GPC5: variants seen among roughly 807,000 people sequenced by gnomAD.
GPC5 encodes glypican-5.
In GPC5, 47 loss-of-function variants were observed where a neutral mutation model predicts 53.9. The ratio of observed to expected loss-of-function variants is 0.87; its 90% CI spans 0.69 to 1.11. The LOEUF is 1.11. GPC5 is among the 50% of genes most tolerant of loss of function. The pLI is 0.00. For missense variants in GPC5, 748 were observed against 713.1 expected, an observed-to-expected ratio of 1.05 and a Z score of -0.56; for synonymous variants, 286 against 263.3, an observed-to-expected ratio of 1.09 and a Z score of -0.84.
At chr13:91,468,840 A>C (rs951097703) in intron 2 of GPC5, among the ~76,000 whole-genome samples, 9 of 149,706 alleles carry the variant, frequency 6.0e-5, no homozygotes, top group Admixed American at 4.7e-4. Flanking sequence ...TTACTATTCA[A>C]TATTTAAGTT....
chr13:91,792,048 A>G (rs576098174), intron 5 of GPC5, among the ~76,000 whole-genome samples: 186 of 152,316 alleles, frequency 1.2e-3, no homozygotes, highest in African/African-American at 4.2e-3. Context: ...TATCTCAGAG[A>G]GTAAGAGTTA....
At chr13:91,464,698 C>T (rs960275668) in intron 2 of GPC5, among the ~76,000 whole-genome samples, 13 of 151,978 alleles carry the variant, frequency 8.6e-5, no homozygotes, top group Admixed American at 5.9e-4. Context: ...GAAAGGTGGA[C>T]GTGTCTATAA....
intron 7 of GPC5, among the ~76,000 whole-genome samples, chr13:92,543,122 G>A (rs1809665054): frequency 6.6e-6 from 1 of 151,764 alleles, no homozygotes; most frequent in African/African-American, 2.4e-5. Context: ...ACAAATATTT[G>A]CTTGTTTTAT....
chr13:91,537,060 G>A (rs1262255448), intron 2 of GPC5, among the ~76,000 whole-genome samples: 5 of 152,052 alleles, frequency 3.3e-5, no homozygotes, highest in Non-Finnish European at 4.4e-5. Flanking sequence ...GTACTCAGTG[G>A]CTAATTTATA....
At chr13:92,782,779 C>T (rs1466267937) in intron 7 of GPC5, among the ~76,000 whole-genome samples, 1 of 152,154 alleles carries the variant, frequency 6.6e-6, no homozygotes, top group African/African-American at 2.4e-5. Flanking sequence ...CCATAAGACA[C>T]TATGGACTGC....
At chr13:92,725,892 G>A (rs773294869) in intron 7 of GPC5, among the ~76,000 whole-genome samples, 1 of 151,568 alleles carries the variant, frequency 6.6e-6, no homozygotes, top group Non-Finnish European at 1.5e-5. Context: ...TCAAATACTG[G>A]TATATTAATG....
intron 7 of GPC5, among the ~76,000 whole-genome samples, chr13:92,663,844 TACAC>T (rs1183140498): frequency 4.2e-5 from 4 of 94,202 alleles, no homozygotes; most frequent in Non-Finnish European, 7.3e-5. Context: ...TATATATATA[TACAC>T]ACACACACTA....
At chr13:91,769,375 A>C (rs1345184901) in intron 5 of GPC5, among the ~76,000 whole-genome samples, 1 of 152,190 alleles carries the variant, frequency 6.6e-6, no homozygotes, top group Admixed American at 6.5e-5. Context: ...CAGCTTAGCC[A>C]AGTTGCCATA....
intron 6 of GPC5, among the ~76,000 whole-genome samples, chr13:92,011,096 T>G (rs1410750023): frequency 6.6e-6 from 1 of 152,196 alleles, no homozygotes; most frequent in Non-Finnish European, 1.5e-5. Flanking sequence ...TAAATATAAC[T>G]CTATATGTGT....
intron 2 of GPC5, among the ~76,000 whole-genome samples, chr13:91,607,966 G>C (rs1338587417): frequency 6.6e-6 from 1 of 152,118 alleles, no homozygotes; most frequent in East Asian, 1.9e-4. Flanking sequence ...TTCGAAGAAG[G>C]CTGCTTTTAG....
At chr13:91,404,310 A>G (rs906492833) in intron 1 of GPC5, among the ~76,000 whole-genome samples, 1 of 152,244 alleles carries the variant, frequency 6.6e-6, no homozygotes, top group African/African-American at 2.4e-5. Context: ...TCTTGGTATA[A>G]CTGTTCAACC....
intron 7 of GPC5, among the ~76,000 whole-genome samples, chr13:92,810,611 A>G (rs1353790983): frequency 6.6e-6 from 1 of 150,958 alleles, no homozygotes; most frequent in Non-Finnish European, 1.5e-5. Context: ...CCCTCCCTCC[A>G]CCCCCAGTAA....
At chr13:91,827,872 T>C (rs61374084) in intron 5 of GPC5, among the ~76,000 whole-genome samples, 21,094 of 151,992 alleles carry the variant, frequency 0.14, 1,611 homozygotes, top group African/African-American at 0.2. Context: ...TATATCCATA[T>C]AAAGACTTGT....
intron 2 of GPC5, among the ~76,000 whole-genome samples, chr13:91,608,346 C>T (rs1165357006): frequency 5.3e-5 from 8 of 152,096 alleles, no homozygotes; most frequent in African/African-American, 1.7e-4. Context: ...GGCTGGAGTA[C>T]AATAGTGAAC....
At chr13:91,896,610 G>A (rs1441612179) in intron 5 of GPC5, among the ~76,000 whole-genome samples, 1 of 152,084 alleles carries the variant, frequency 6.6e-6, no homozygotes, top group African/African-American at 2.4e-5. Context: ...AAGGATGAAG[G>A]GGAGATTGGC....
chr13:91,669,286 A>T (rs774346588), intron 2 of GPC5, among the ~76,000 whole-genome samples: 1 of 152,244 alleles, frequency 6.6e-6, no homozygotes, highest in African/African-American at 2.4e-5. Flanking sequence ...TGATTGTTTC[A>T]GAGAACAATG....
chr13:91,871,695 GTT>G (rs112446440), intron 5 of GPC5, among the ~76,000 whole-genome samples: 2 of 146,068 alleles, frequency 1.4e-5, no homozygotes, highest in South Asian at 2.2e-4. Context: ...TTCAAATTAA[GTT>G]TTTTTTTTTC....
Position 92,201,305 on chromosome 13 carries a change from AC to A in GPC5, c.1561+56317del, listed in dbSNP as rs1162492549. 3.3e-5 allele frequency among the ~76,000 whole-genome samples: 5 copies of A among 152,292 alleles called. No homozygotes were observed. In the South Asian group the frequency reaches 1.0e-3, roughly 32 times the overall value. ...TCATCAGTTCTAAGTTACAACAGTG[AC>A]ACTTGGTTAAATCTAATATTTGATA... On this transcript the variant is annotated intron_variant, in intron 7 of 7. Coordinates refer to ENST00000377067, the MANE Select transcript of GPC5 (RefSeq NM_004466.6).
chr13:92,116,344 A>G (rs546575946), intron 6 of GPC5, among the ~76,000 whole-genome samples: 6 of 152,322 alleles, frequency 3.9e-5, no homozygotes, highest in Non-Finnish European at 5.9e-5. Flanking sequence ...GAGGCCATCT[A>G]TAAGTCAAGG....
Sources: allele counts gnomAD v4.1 joint callset (sites outside exome capture counted in the v4.1 genomes callset), GRCh38; gene constraint gnomAD v4.1.1; transcripts MANE v1.5; gene names NCBI Gene and HGNC (gene_info 2026-07-23, HGNC 2026-07-21).